The following TRERF1 variants were observed in gnomAD, a reference collection of about 807,000 sequenced individuals.
TRERF1 encodes the protein transcriptional-regulating factor 1.
Under a neutral mutation model 122.9 loss-of-function variants are expected in TRERF1, and 27 were observed. That is an observed-to-expected ratio of 0.22 (90% CI 0.16 to 0.30). TRERF1 has a LOEUF of 0.30. TRERF1 is among the 10% of genes least tolerant of loss of function. The probability of loss-of-function intolerance (pLI) is 1.00; values close to 1 mark genes in which losing one functional copy is unlikely to be tolerated. For missense variants in TRERF1, 1,248 were observed against 1,560.3 expected (o/e 0.80, Z 3.37); for synonymous variants, 636 against 641.7 (o/e 0.99, Z 0.13).
chr6:42,317,796 G>T (rs1015149880), intron 3 of TRERF1, among the ~76,000 whole-genome samples: 1 of 151,798 alleles, frequency 6.6e-6, no homozygotes, highest in Non-Finnish European at 1.5e-5. Flanking sequence ...TTAAGATATA[G>T]TTGAGATTAT....
intron 3 of TRERF1, among the ~76,000 whole-genome samples, chr6:42,311,537 G>C (rs1761635519): frequency 6.6e-6 from 1 of 151,976 alleles, no homozygotes; most frequent in African/African-American, 2.4e-5. Context: ...GGCCGAGGTG[G>C]GTGGATCACA....
chr6:42,358,484 T>A (rs150140733), intron 3 of TRERF1, among the ~76,000 whole-genome samples: 1 of 152,334 alleles, frequency 6.6e-6, no homozygotes, highest in East Asian at 1.9e-4. Context: ...AGCAGCTAAC[T>A]CCACATCACC....
chr6:42,345,115 A>C (rs1430391265), intron 3 of TRERF1, among the ~76,000 whole-genome samples: 1 of 152,176 alleles, frequency 6.6e-6, no homozygotes, highest in Admixed American at 6.5e-5. Context: ...CATCTCTGTA[A>C]ATGCATTACT....
At chr6:42,376,731 C>T (rs367700918) in intron 2 of TRERF1, among the ~76,000 whole-genome samples, 6 of 150,952 alleles carry the variant, frequency 4.0e-5, no homozygotes, top group Non-Finnish European at 8.8e-5. Flanking sequence ...TTAGTAGAGA[C>T]GGGGTTTCAC....
intron 2 of TRERF1, among the ~76,000 whole-genome samples, chr6:42,400,458 A>C (rs1779226188): frequency 6.6e-6 from 1 of 152,236 alleles, no homozygotes. Context: ...TGGCACAAGC[A>C]TTCACGATTG....
intron 2 of TRERF1, among the ~76,000 whole-genome samples, chr6:42,425,875 C>T (rs1278632488): frequency 1.3e-5 from 2 of 152,024 alleles, no homozygotes; most frequent in African/African-American, 2.4e-5. Flanking sequence ...CTGCATGGGG[C>T]TGCTTTTCCT....
At position 42,433,115 on chromosome 6, in the gene TRERF1, T is replaced by G. The variant is rs1474196389; in HGVS notation, c.-454+18062A>C. Reference sequence around the variant, plus strand: ...GCTCCTAGAGGAAAGGGAGGTGCAGTGAGGTGAGCCATGTATTAGTAGCTA... The same window carrying G: ...GCTCCTAGAGGAAAGGGAGGTGCAGGGAGGTGAGCCATGTATTAGTAGCTA... On this transcript the variant is annotated intron_variant, in intron 2 of 17. Transcript: ENST00000372922. Among the ~76,000 whole-genome samples, 3 of 151,982 alleles carry G rather than the reference T, an allele frequency of 2.0e-5. No homozygotes were observed. In the East Asian group the frequency reaches 5.8e-4, roughly 29 times the overall value.
intron 15 of TRERF1, among the ~76,000 whole-genome samples, chr6:42,237,274 G>C (rs942203634): frequency 2.0e-5 from 3 of 152,148 alleles, no homozygotes; most frequent in African/African-American, 7.2e-5. Flanking sequence ...GGAATAGCTT[G>C]GAGTGGGTGC....
At chr6:42,346,936 T>C (rs1038040260) in intron 3 of TRERF1, among the ~76,000 whole-genome samples, 9 of 152,168 alleles carry the variant, frequency 5.9e-5, no homozygotes, top group African/African-American at 2.2e-4. Context: ...CCTCCTGGCT[T>C]GTATCCTCTC....
chr6:42,272,819 C>T (rs1157392332), intron 4 of TRERF1, among the ~76,000 whole-genome samples: 1 of 152,198 alleles, frequency 6.6e-6, no homozygotes, highest in Non-Finnish European at 1.5e-5. Context: ...CTTTGATAGC[C>T]TCATCCACCA....
intron 2 of TRERF1, among the ~76,000 whole-genome samples, chr6:42,365,849 G>A (rs915586720): frequency 1.1e-4 from 17 of 152,264 alleles, no homozygotes; most frequent in Middle Eastern, 3.4e-3. Context: ...AAATCGAGAC[G>A]GATCTTCTTA....
intron 4 of TRERF1, among the ~76,000 whole-genome samples, chr6:42,294,228 C>A (rs1041160743): frequency 2.2e-5 from 3 of 136,848 alleles, no homozygotes; most frequent in South Asian, 4.5e-4. Flanking sequence ...GTCTCCTGGG[C>A]TGGAGTGCAG....
At chr6:42,366,949 T>G (rs1772851130) in intron 2 of TRERF1, among the ~76,000 whole-genome samples, 1 of 152,090 alleles carries the variant, frequency 6.6e-6, no homozygotes, top group Non-Finnish European at 1.5e-5. Flanking sequence ...GTCACCAAGA[T>G]GCCCCATAAG....
chr6:42,236,865 G>A (rs1482631647), intron 15 of TRERF1, among the ~76,000 whole-genome samples: 1 of 152,214 alleles, frequency 6.6e-6, no homozygotes, highest in Non-Finnish European at 1.5e-5. Context: ...AAGGACCTGT[G>A]CTGATTTGTT....
chr6:42,398,328 A>G lies in TRERF1; in HGVS notation c.-453-35249T>C, dbSNP rs144169371. Among the ~76,000 whole-genome samples the G allele has an allele frequency of 6.6e-5, 10 of 152,348 alleles. No individual in the cohort carries two copies. In the East Asian group the frequency reaches 1.9e-3, roughly 29 times the overall value. On this transcript the variant is annotated intron_variant, in intron 2 of 17. Transcript: ENST00000372922. Reference sequence around the variant, plus strand: ...GGCATGTACCATTTAAACCCAGGACAGAATCACCTCTGAGTTTGTGCAGTA... The same window carrying G: ...GGCATGTACCATTTAAACCCAGGACGGAATCACCTCTGAGTTTGTGCAGTA...
chr6:42,408,369 A>G (rs1487127943), intron 2 of TRERF1, among the ~76,000 whole-genome samples: 1 of 85,058 alleles, frequency 1.2e-5, no homozygotes, highest in Non-Finnish European at 2.4e-5. Flanking sequence ...ATATATATAT[A>G]TATCTTTTTT....
intron 2 of TRERF1, among the ~76,000 whole-genome samples, chr6:42,395,113 A>G (rs905765189): frequency 1.3e-5 from 2 of 152,222 alleles, no homozygotes; most frequent in African/African-American, 4.8e-5. Context: ...GCCTCAGAAG[A>G]GCCCTTTGCA....
chr6:42,245,267 C>T (rs1392236171), intron 14 of TRERF1, among the ~76,000 whole-genome samples: 2 of 152,248 alleles, frequency 1.3e-5, no homozygotes, highest in East Asian at 3.9e-4. Flanking sequence ...GCAGCAAAGG[C>T]ATGGCAGCCG....
At chr6:42,261,541 A>G (rs533837840) in intron 8 of TRERF1, among the ~76,000 whole-genome samples, 14 of 152,052 alleles carry the variant, frequency 9.2e-5, no homozygotes, top group Admixed American at 2.6e-4. Context: ...GCCCACAGAG[A>G]AGGATGAGAA....
Sources: gnomAD v4.1 joint callset for allele counts (sites outside exome capture counted in the v4.1 genomes callset) on GRCh38, gnomAD v4.1.1 for gene constraint, MANE v1.5 for transcripts, NCBI Gene and HGNC (gene_info 2026-07-23, HGNC 2026-07-21) for gene names.